The following LUZP2 variants were observed in gnomAD, a reference collection of about 807,000 sequenced individuals.
LUZP2 encodes leucine zipper protein 2.
A neutral mutation model predicts 51.6 loss-of-function variants in LUZP2; 52 were observed. That is an observed-to-expected ratio of 1.01 (90% CI 0.81 to 1.27). LUZP2 has a LOEUF of 1.27. Ranked by LOEUF, LUZP2 falls within the 50% of genes most tolerant of loss-of-function variation. LUZP2 has a pLI of 0.00. For synonymous variants in LUZP2, 154 were observed against 137.3 expected (o/e 1.12, Z -0.85); for missense variants, 436 against 395.4 (o/e 1.10, Z -0.87).
intron 1 of LUZP2, among the ~76,000 whole-genome samples, chr11:24,533,357 C>T (rs983886177): frequency 4.6e-5 from 7 of 151,374 alleles, no homozygotes; most frequent in African/African-American, 1.7e-4. Context: ...GAGTTATATC[C>T]TACCCATTCA....
chr11:24,758,575 T>C (rs1413946590), intron 4 of LUZP2, among the ~76,000 whole-genome samples: 2 of 152,060 alleles, frequency 1.3e-5, no homozygotes, highest in African/African-American at 2.4e-5. Flanking sequence ...CATCCACTAA[T>C]TATTTTCACT....
At chr11:24,708,047 C>T (rs557056521) in intron 1 of LUZP2, among the ~76,000 whole-genome samples, 2 of 152,050 alleles carry the variant, frequency 1.3e-5, no homozygotes, top group Non-Finnish European at 2.9e-5. Context: ...GGAGTCAGGG[C>T]AGAGCAGGTA....
chr11:24,942,601 C>T (rs918034231), intron 7 of LUZP2, among the ~76,000 whole-genome samples: 1 of 151,986 alleles, frequency 6.6e-6, no homozygotes, highest in African/African-American at 2.4e-5. Context: ...TTATAATCAT[C>T]CTTCATGTAT....
chr11:24,571,190 C>G (rs1852429391), intron 1 of LUZP2, among the ~76,000 whole-genome samples: 1 of 149,670 alleles, frequency 6.7e-6, no homozygotes, highest in African/African-American at 2.5e-5. Flanking sequence ...GCTGGTGATG[C>G]AGAGGAGATG....
At chr11:24,597,957 C>T (rs926036464) in intron 1 of LUZP2, among the ~76,000 whole-genome samples, 15 of 151,892 alleles carry the variant, frequency 9.9e-5, no homozygotes, top group Non-Finnish European at 8.8e-5. Flanking sequence ...AAAAATTAGC[C>T]GGGTGTGATG....
chr11:25,074,212 C>A (rs182457260), intron 10 of LUZP2, among the ~76,000 whole-genome samples: 1 of 152,244 alleles, frequency 6.6e-6, no homozygotes, highest in Admixed American at 6.5e-5. Flanking sequence ...TGTGCCTCAT[C>A]ATATTGAGCT....
chr11:24,565,771 C>A (rs1224966413), intron 1 of LUZP2, among the ~76,000 whole-genome samples: 1 of 151,946 alleles, frequency 6.6e-6, no homozygotes, highest in Non-Finnish European at 1.5e-5. Context: ...TTACCACAAA[C>A]CAAAAGTAAA....
intron 10 of LUZP2, among the ~76,000 whole-genome samples, chr11:25,065,903 T>C (rs1318426190): frequency 6.6e-6 from 1 of 152,056 alleles, no homozygotes; most frequent in Non-Finnish European, 1.5e-5. Flanking sequence ...CTACGTTCTA[T>C]GACACATCTT....
intron 5 of LUZP2, among the ~76,000 whole-genome samples, chr11:24,805,401 C>A (rs1849824170): frequency 6.6e-6 from 1 of 152,096 alleles, no homozygotes; most frequent in African/African-American, 2.4e-5. Flanking sequence ...CAAACCATAT[C>A]ACAGGGTTTC....
intron 1 of LUZP2, among the ~76,000 whole-genome samples, chr11:24,601,473 T>A (rs1257808427): frequency 6.6e-6 from 1 of 151,936 alleles, no homozygotes; most frequent in Non-Finnish European, 1.5e-5. Flanking sequence ...GTTCTGATTC[T>A]CTTTATTGGT....
Position 24,719,599 on chromosome 11 carries a change from GT to G in LUZP2, c.63-9567del, listed in dbSNP as rs563366411. 3.1e-4 allele frequency among the ~76,000 whole-genome samples: 47 copies of G among 152,290 alleles called. No individual in the cohort carries two copies. The South Asian group carries it at 9.3e-3, about 30-fold the overall frequency. ...AGCATTTGGCACTATGTAGTACATTGTTTGCAAATATGCCCGTAACTATTCT... is the reference window on the plus strand; with the variant it reads ...AGCATTTGGCACTATGTAGTACATTGTTGCAAATATGCCCGTAACTATTCT... On this transcript the variant is annotated intron_variant, in intron 1 of 11. Transcript: ENST00000336930.
At chr11:24,854,378 G>T (rs1851486868) in intron 5 of LUZP2, among the ~76,000 whole-genome samples, 1 of 152,156 alleles carries the variant, frequency 6.6e-6, no homozygotes, top group Admixed American at 6.5e-5. Flanking sequence ...AGCTATGGTG[G>T]GCTCCACCCA....
chr11:24,772,465 C>A (rs190353974), intron 5 of LUZP2, among the ~76,000 whole-genome samples: 2 of 152,118 alleles, frequency 1.3e-5, no homozygotes, highest in East Asian at 3.9e-4. Flanking sequence ...AGGACACACC[C>A]AAGAGGTTTT....
intron 1 of LUZP2, among the ~76,000 whole-genome samples, chr11:24,629,054 A>G (rs935534988): frequency 1.3e-5 from 2 of 152,134 alleles, no homozygotes; most frequent in African/African-American, 4.8e-5. Context: ...TCTATGATAA[A>G]TTTATCTTAT....
intron 5 of LUZP2, among the ~76,000 whole-genome samples, chr11:24,874,360 A>G (rs1253344970): frequency 6.6e-6 from 1 of 152,108 alleles, no homozygotes; most frequent in Non-Finnish European, 1.5e-5. Flanking sequence ...GGCAGGTGAA[A>G]CATGGCTTTA....
intron 5 of LUZP2, among the ~76,000 whole-genome samples, chr11:24,831,291 T>C (rs1024406716): frequency 1.6e-4 from 24 of 152,170 alleles, no homozygotes; most frequent in Non-Finnish European, 1.6e-4. Flanking sequence ...GGCAGAGATA[T>C]TCAGCTCTAC....
At chr11:24,645,980 G>C (rs924865100) in intron 1 of LUZP2, among the ~76,000 whole-genome samples, 1 of 151,926 alleles carries the variant, frequency 6.6e-6, no homozygotes, top group Non-Finnish European at 1.5e-5. Flanking sequence ...TAGAAATAGG[G>C]GTCCTGGAGG....
intron 1 of LUZP2, among the ~76,000 whole-genome samples, chr11:24,614,089 A>C (rs1565029724): frequency 6.6e-6 from 1 of 152,026 alleles, no homozygotes; most frequent in South Asian, 2.1e-4. Context: ...TGATTGACTT[A>C]ATAAATCATA....
At chr11:24,982,796 A>G (rs1356513472) in intron 8 of LUZP2, among the ~76,000 whole-genome samples, 1 of 151,858 alleles carries the variant, frequency 6.6e-6, no homozygotes. Flanking sequence ...AACTTTCAAA[A>G]AAGGATATTT....
Sources: gnomAD v4.1 joint callset for allele counts (sites outside exome capture counted in the v4.1 genomes callset) on GRCh38, gnomAD v4.1.1 for gene constraint, MANE v1.5 for transcripts, NCBI Gene and HGNC (gene_info 2026-07-23, HGNC 2026-07-21) for gene names.